Variants in KCTD8 observed in about 807,000 individuals in gnomAD.
The protein encoded by KCTD8 is potassium channel tetramerization domain containing 8, also known as BTB/POZ domain-containing protein KCTD8.
In KCTD8, 27 loss-of-function variants were observed where a neutral mutation model predicts 31.5. That is an observed-to-expected ratio of 0.86 (90% CI 0.63 to 1.18). KCTD8 has a LOEUF of 1.18. KCTD8 is among the 50% of genes most tolerant of loss of function. The probability of loss-of-function intolerance (pLI) is 0.00; values close to 1 mark genes in which losing one functional copy is unlikely to be tolerated. For missense variants in KCTD8, 658 were observed against 647.7 expected, an observed-to-expected ratio of 1.02 and a Z score of -0.17; for synonymous variants, 290 against 280.0, an observed-to-expected ratio of 1.04 and a Z score of -0.36.
intron 1 of KCTD8, among the ~76,000 whole-genome samples, chr4:44,210,456 G>C (rs1277991542): frequency 6.6e-6 from 1 of 152,076 alleles, no homozygotes; most frequent in East Asian, 1.9e-4. Flanking sequence ...ATAACAATTA[G>C]GAAATTATAA....
chr4:44,204,064 T>C (rs1282940685), intron 1 of KCTD8, among the ~76,000 whole-genome samples: 2 of 152,030 alleles, frequency 1.3e-5, no homozygotes, highest in African/African-American at 4.8e-5. Flanking sequence ...TTCTGAAATA[T>C]ACATTACATT....
intron 1 of KCTD8, among the ~76,000 whole-genome samples, chr4:44,213,591 TCA>T (rs1207437562): frequency 2.0e-5 from 3 of 152,226 alleles, no homozygotes; most frequent in Admixed American, 1.3e-4. Context: ...TTTGTATAGT[TCA>T]GTTATTGTTA....
intron 1 of KCTD8, among the ~76,000 whole-genome samples, chr4:44,386,461 A>G (rs1720213403): frequency 6.6e-6 from 1 of 151,728 alleles, no homozygotes; most frequent in South Asian, 2.1e-4. Flanking sequence ...GACATTTCCC[A>G]AAAGACATAC....
chr4:44,195,129 C>T (rs1011306163), intron 1 of KCTD8, among the ~76,000 whole-genome samples: 1 of 151,464 alleles, frequency 6.6e-6, no homozygotes, highest in South Asian at 2.1e-4. Flanking sequence ...CCACCCACCT[C>T]GGCCTCCCAA....
intron 1 of KCTD8, among the ~76,000 whole-genome samples, chr4:44,359,477 A>AAT (rs1270762755): frequency 1.3e-5 from 2 of 152,312 alleles, no homozygotes; most frequent in South Asian, 4.1e-4. Flanking sequence ...ACTGGATATA[A>AAT]ATATACCTTA....
intron 1 of KCTD8, among the ~76,000 whole-genome samples, chr4:44,444,857 G>C (rs966557693): frequency 6.6e-6 from 1 of 152,064 alleles, no homozygotes; most frequent in Admixed American, 6.5e-5. Context: ...CAACTACTAA[G>C]TTCACATGTC....
chr4:44,388,893 CA>C (rs929365915), intron 1 of KCTD8, among the ~76,000 whole-genome samples: 6 of 148,902 alleles, frequency 4.0e-5, no homozygotes, highest in East Asian at 1.9e-4. Context: ...AACTCCCCAC[CA>C]AAAAAAGATA....
intron 1 of KCTD8, among the ~76,000 whole-genome samples, chr4:44,265,594 C>A (rs767766728): frequency 6.6e-6 from 1 of 152,046 alleles, no homozygotes; most frequent in Non-Finnish European, 1.5e-5. Flanking sequence ...CAAACTACTC[C>A]GAGCTACAGG....
chr4:44,361,813 G>T (rs1719505220), intron 1 of KCTD8, among the ~76,000 whole-genome samples: 1 of 152,074 alleles, frequency 6.6e-6, no homozygotes, highest in Admixed American at 6.6e-5. Context: ...AGCTTTCTTT[G>T]TGTCTGATGT....
At chr4:44,275,134 C>T (rs1210546796) in intron 1 of KCTD8, among the ~76,000 whole-genome samples, 1 of 151,624 alleles carries the variant, frequency 6.6e-6, no homozygotes, top group Non-Finnish European at 1.5e-5. Context: ...GAGAAGGTAT[C>T]CTAAAAATGG....
intron 1 of KCTD8, among the ~76,000 whole-genome samples, chr4:44,316,716 C>T (rs1300894765): frequency 7.1e-6 from 1 of 140,122 alleles, no homozygotes; most frequent in Non-Finnish European, 1.5e-5. Context: ...TTTGGGAGGC[C>T]GAGGCGGGCC....
chr4:44,179,041 T>C (rs1029306901), intron 1 of KCTD8, among the ~76,000 whole-genome samples: 2 of 152,166 alleles, frequency 1.3e-5, no homozygotes, highest in Non-Finnish European at 2.9e-5. Flanking sequence ...GACAAAAAGA[T>C]GCAGAGAAAA....
chr4:44,321,427 T>C (rs901352758), intron 1 of KCTD8, among the ~76,000 whole-genome samples: 1 of 152,204 alleles, frequency 6.6e-6, no homozygotes. Flanking sequence ...CAGTGGCTAA[T>C]CCAAAGGGGA....
intron 1 of KCTD8, among the ~76,000 whole-genome samples, chr4:44,378,068 A>T (rs1719959356): frequency 6.6e-6 from 1 of 151,354 alleles, no homozygotes; most frequent in East Asian, 1.9e-4. Context: ...TTGTAGAAAA[A>T]CCAGAACACA....
chr4:44,355,164 G>A (rs928869324), intron 1 of KCTD8, among the ~76,000 whole-genome samples: 5 of 152,148 alleles, frequency 3.3e-5, no homozygotes, highest in South Asian at 2.1e-4. Context: ...GTTTACTCCC[G>A]TATTCGACAA....
intron 1 of KCTD8, among the ~76,000 whole-genome samples, chr4:44,275,498 C>CCTAAA (rs1353231696): frequency 6.6e-6 from 1 of 151,864 alleles, no homozygotes; most frequent in African/African-American, 2.4e-5. Flanking sequence ...ATTTCTAAAG[C>CCTAAA]TTTAGGAGGA....
intron 1 of KCTD8, among the ~76,000 whole-genome samples, chr4:44,198,894 G>A (rs547028820): frequency 2.0e-4 from 30 of 152,150 alleles, no homozygotes; most frequent in Middle Eastern, 3.4e-3. Flanking sequence ...CCCAACAGTC[G>A]CTGTCTTCAA....
chr4:44,184,751 C>T (rs1179159419), intron 1 of KCTD8, among the ~76,000 whole-genome samples: 4 of 152,242 alleles, frequency 2.6e-5, no homozygotes, highest in South Asian at 4.1e-4. Flanking sequence ...TGGAAGTTAG[C>T]GTTTACCATC....
intron 1 of KCTD8, among the ~76,000 whole-genome samples, chr4:44,295,892 C>A (rs7682929): frequency 0.052 from 7,882 of 152,228 alleles, 272 homozygotes; most frequent in Non-Finnish European, 0.081. Flanking sequence ...TATTAATTCA[C>A]TTTCAGTAGC....
Sources: allele counts gnomAD v4.1 joint callset (sites outside exome capture counted in the v4.1 genomes callset), GRCh38; gene constraint gnomAD v4.1.1; transcripts MANE v1.5; gene names NCBI Gene and HGNC (gene_info 2026-07-23, HGNC 2026-07-21).